NBEAL2: variants seen among roughly 807,000 people sequenced by gnomAD.
NBEAL2 encodes the protein neurobeachin-like protein 2.
NBEAL2 carries 160 observed loss-of-function variants against 299.8 expected under a neutral mutation model. The observed-to-expected ratio is 0.53, with a 90% CI of 0.47 to 0.61. NBEAL2 has a LOEUF of 0.61. NBEAL2 is among the 20% of genes least tolerant of loss of function. NBEAL2 has a pLI of 0.00. For missense variants in NBEAL2, 3,112 were observed against 3,649.0 expected (o/e 0.85, Z 3.79); for synonymous variants, 1,493 against 1,542.3 (o/e 0.97, Z 0.75).
At position 46,991,972 on chromosome 3, in the gene NBEAL2, A is replaced by C; in HGVS notation, c.1032+26A>C. On this transcript the variant is annotated intron_variant, in intron 9 of 53. Coordinates refer to ENST00000450053, the MANE Select transcript of NBEAL2 (RefSeq NM_015175.3). This position sits in a 1 kb window ranked among gnomAD's most constrained non-coding sequence, Gnocchi z 6.2. ...GTGGGTAGGGCCCAGCCTGGGGGTG[A>C]GGGTCTGGAAGCCAGAGGCTAGGGG... The C allele has an allele frequency of 1.3e-6, 2 of 1,560,876 alleles. No homozygotes were observed. The highest frequency in any genetic ancestry group is 1.7e-6 in the Non-Finnish European group (2 of 1,149,126).
In NBEAL2 at chr3:47,009,456, T is replaced by G; in HGVS notation, c.*136T>G. 2 of 830,284 alleles carry G rather than the reference T, an allele frequency of 2.4e-6. No homozygotes were observed. The highest frequency in any genetic ancestry group is 3.2e-5 in the South Asian group (2 of 62,636). The allele number at this position is 830,284 out of a possible 1,614,324, so 51.4% of individuals were successfully genotyped here. On this transcript the variant is annotated 3_prime_UTR_variant, in exon 54 of 54. Transcript: ENST00000450053. The stretch of plus-strand genomic sequence containing the variant: ...GGGCCCACCCTGCCCAGCTCAGGGA[T>G]TGGCGGGCGATGTTACCCCCTCAGG...
At chr3:46,985,246 G>C (rs1253331151) in intron 1 of NBEAL2, among the ~76,000 whole-genome samples, 2 of 152,218 alleles carry the variant, frequency 1.3e-5, no homozygotes, top group Non-Finnish European at 2.9e-5. Context: ...CAGGGCCTCA[G>C]ATGTGAGCTT....
Position 47,004,830 on chromosome 3 carries a change from T to C in NBEAL2, c.6295-142T>C, listed in dbSNP as rs575633846. The stretch of plus-strand genomic sequence containing the variant: ...ATCCTGTTCCAGGACACTCTGTCCT[T>C]CTCCCCTGTGACCCCTCTAAGTGGT... On this transcript the variant is annotated intron_variant, in intron 38 of 53. Coordinates refer to ENST00000450053, the MANE Select transcript of NBEAL2 (RefSeq NM_015175.3). The surrounding 1 kb of genome is among the most constrained non-coding windows in gnomAD (Gnocchi z 5.0). The C allele has an allele frequency of 2.6e-5, 34 of 1,284,790 alleles. No individual in the cohort carries two copies. The Admixed American group carries it at 5.1e-4, about 19-fold the overall frequency. 79.6% of individuals were successfully genotyped at this position (1,284,790 alleles called of 1,614,324 possible).
chr3:46,995,433 A>C lies in NBEAL2; in HGVS notation c.1698A>C (p.Ser566=). The change falls in exon 13 of 54, where the codon TCA becomes TCC. Residue 566 remains serine, a synonymous_variant. Transcript: ENST00000450053. The part of the protein sequence containing the change: ...RHAGAVIRTL[S]GMARHQGPAR... ...CAGGTGCTGTCATCCGCACATTATC[A>C]GGCATGGCCAGGCACCAGGGTCCTG... The C allele has an allele frequency of 6.2e-7, 1 of 1,612,810 alleles. No individual in the cohort carries two copies. The highest frequency in any genetic ancestry group is 8.5e-7 in the Non-Finnish European group (1 of 1,179,890).
chr3:47,004,753 C>A lies in NBEAL2; in HGVS notation c.6294+163C>A. The A allele has an allele frequency of 1.1e-6, 1 of 933,192 alleles. No homozygotes were observed. The highest frequency in any genetic ancestry group is 1.6e-6 in the Non-Finnish European group (1 of 606,894). The allele number at this position is 933,192 out of a possible 1,614,324, so 57.8% of individuals were successfully genotyped here. A position where few individuals can be genotyped will look rare whatever the true frequency, so the allele number is the denominator to read the frequency against. ...CTGTTCCCTGCCAACCCCCAGAGGTCCCCAGCCTCACTCCCTTCCCCTCCC... is the reference window on the plus strand; with the variant it reads ...CTGTTCCCTGCCAACCCCCAGAGGTACCCAGCCTCACTCCCTTCCCCTCCC... On this transcript the variant is annotated intron_variant, in intron 38 of 53. Transcript: ENST00000450053. The surrounding 1 kb of genome is among the most constrained non-coding windows in gnomAD (Gnocchi z 5.0).
rs369275746 is a variant in NBEAL2, at chr3:47,004,275, C to A, written c.6080C>A (p.Pro2027His). The A allele has an allele frequency of 6.2e-7, 1 of 1,613,620 alleles. No homozygotes were observed. The highest frequency in any genetic ancestry group is 8.5e-7 in the Non-Finnish European group (1 of 1,179,770). ...AGACCCCAGCCTGGCCCCATCCCAC[C>A]CCATACCCAGGTACGGAACCAGGTG... is the stretch of plus-strand genomic sequence containing the variant. ...TPRPQPGPIP[P>H]HTQVRNQVYS... The change falls in exon 37 of 54, where the codon CCC becomes CAC. Residue 2027 changes from proline (P) to histidine (H), a missense_variant. Around this residue, in one of 3 missense-constraint regions of NBEAL2, gnomAD observed 521 missense variants for 729.6 expected, o/e 0.71. Transcript: ENST00000450053. The surrounding 1 kb of genome is among the most constrained non-coding windows in gnomAD (Gnocchi z 5.0).
intron 21 of NBEAL2, 63 bp downstream of exon 21, chr3:46,998,289 C>T: frequency 6.4e-7 from 1 of 1,566,844 alleles, no homozygotes. Flanking sequence ...GAAGTTAGAA[C>T]TCTGCTCTGG....
Position 47,000,144 on chromosome 3 carries a change from C to T in NBEAL2, c.4045C>T (p.Leu1349Phe). The T allele has an allele frequency of 6.2e-7, 1 of 1,613,846 alleles. No individual in the cohort carries two copies. The highest frequency in any genetic ancestry group is 8.5e-7 in the Non-Finnish European group (1 of 1,179,880). Residue 1349 changes from leucine (L) to phenylalanine (F), a missense_variant, in exon 27 of 54, where the codon CTC becomes TTC. Around this residue, in one of 3 missense-constraint regions of NBEAL2, gnomAD observed 2,243 missense variants for 2,538.1 expected, o/e 0.88. Transcript: ENST00000450053. This position sits in a 1 kb window ranked among gnomAD's most constrained non-coding sequence, Gnocchi z 4.5. ...CPDPDGFYHA[L>F]SPFCTPFDLG... Reference sequence around the variant, plus strand: ...TGACCCTGATGGCTTTTACCATGCTCTCTCCCCATTCTGCACGCCCTTTGA... The same window carrying T: ...TGACCCTGATGGCTTTTACCATGCTTTCTCCCCATTCTGCACGCCCTTTGA...
intron 19 of NBEAL2, 48 bp downstream of exon 19, chr3:46,997,481 T>C (rs772608057): frequency 2.1e-5 from 34 of 1,594,546 alleles, no homozygotes; most frequent in Non-Finnish European, 2.8e-5. Context: ...CTTGGCATGG[T>C]AGGGGGGTGG....
chr3:46,996,850 G>A lies in NBEAL2; in HGVS notation c.2556+17G>A. On this transcript the variant is annotated intron_variant, in intron 17 of 53. Coordinates refer to ENST00000450053, the MANE Select transcript of NBEAL2 (RefSeq NM_015175.3). ...TCACCTCAGGTATTTGGGGGCCCCA[G>A]GGGAGTGGTTGGCTCGACTGTGCTA... The A allele has an allele frequency of 6.2e-7, 1 of 1,612,248 alleles. No homozygotes were observed. The highest frequency in any genetic ancestry group is 8.5e-7 in the Non-Finnish European group (1 of 1,179,520).
In NBEAL2 at chr3:46,997,337, G is replaced by A. The variant is rs1161647303; in HGVS notation, c.2728G>A (p.Glu910Lys). 6.2e-7 allele frequency: 1 copy of A among 1,613,000 alleles called. No individual in the cohort carries two copies. Among genetic ancestry groups the A allele is most frequent in the East Asian group, 2.2e-5 (1 of 44,880 alleles). Residue 910 changes from glutamate (E) to lysine (K), a missense_variant, in exon 19 of 54, where the codon GAA (glutamate) becomes AAA (lysine). Physicochemically the swap from Glu to Lys is moderately conservative, Grantham distance 56. Transcript: ENST00000450053. ...ERVAAQPKEA[E>K]AGPAETHDLV... ...AGTAGCTGCACAGCCCAAAGAGGCT[G>A]AAGCAGGTCCAGCTGAAACGCATGA...
chr3:47,004,743 C>A lies in NBEAL2; in HGVS notation c.6294+153C>A. The A allele has an allele frequency of 2.6e-6, 1 of 377,512 alleles. No individual in the cohort carries two copies. The highest frequency in any genetic ancestry group is 5.2e-5 in the East Asian group (1 of 19,400). 23.4% of individuals were successfully genotyped at this position (377,512 alleles called of 1,614,324 possible). On this transcript the variant is annotated intron_variant, in intron 38 of 53. Coordinates refer to ENST00000450053, the MANE Select transcript of NBEAL2 (RefSeq NM_015175.3). This position sits in a 1 kb window ranked among gnomAD's most constrained non-coding sequence, Gnocchi z 5.0. ...GACCTGGCCTCTGTTCCCTGCCAACCCCCAGAGGTCCCCAGCCTCACTCCC... is the reference window on the plus strand; with the variant it reads ...GACCTGGCCTCTGTTCCCTGCCAACACCCAGAGGTCCCCAGCCTCACTCCC...
In NBEAL2 at chr3:47,004,597, G is replaced by T. The variant is rs752688960; in HGVS notation, c.6294+7G>T. The T allele has an allele frequency of 3.7e-6, 6 of 1,611,936 alleles. No individual in the cohort carries two copies. In the African/African-American group the frequency reaches 6.7e-5, roughly 18 times the overall value. On this transcript the variant is annotated splice_region_variant and intron_variant, in intron 38 of 53. Transcript: ENST00000450053. The surrounding 1 kb of genome is among the most constrained non-coding windows in gnomAD (Gnocchi z 5.0). ...CCTGTCTCAGTACCCTGTGGTGAGG[G>T]TCCCACTCTGCACCCCTCCACCCCT...
chr3:46,994,353 G>A (rs2036317134), intron 11 of NBEAL2, 102 bp from the exon 12 acceptor site: 2 of 1,113,430 alleles, frequency 1.8e-6, no homozygotes, highest in Admixed American at 4.0e-5. Context: ...AGCTACGCAA[G>A]GGAACCCCAA....
chr3:47,003,858 G>A lies in NBEAL2; in HGVS notation c.5763G>A (p.Val1921=). ...TGGATGAGCAGCGTGAGAAGCTGGT[G>A]CTGTCGGCCGAGTGCCAGCTGGTGA... is the stretch of plus-strand genomic sequence containing the variant. ...AELDEQREKL[V]LSAECQLVTV... Residue 1921 remains valine (V), a synonymous_variant, in exon 36 of 54, where the codon GTG becomes GTA. Transcript: ENST00000450053. The surrounding 1 kb of genome is among the most constrained non-coding windows in gnomAD (Gnocchi z 7.0). 1 of 1,612,896 alleles carries A rather than the reference G, an allele frequency of 6.2e-7. No individual in the cohort carries two copies. Among genetic ancestry groups the A allele is most frequent in the Non-Finnish European group, 8.5e-7 (1 of 1,179,330 alleles).
At chr3:46,994,127 G>A in intron 11 of NBEAL2, 107 bp downstream of exon 11, 1 of 1,182,290 alleles carries the variant, frequency 8.5e-7, no homozygotes, top group Non-Finnish European at 1.2e-6. Flanking sequence ...GCTCCCTGGA[G>A]CAAAGCAGGC....
rs373066289 is a variant in NBEAL2, at chr3:47,009,260, G to A, written c.8205G>A (p.Ser2735=). 3 of 1,602,236 alleles carry A rather than the reference G, an allele frequency of 1.9e-6. No homozygotes were observed. The highest frequency in any genetic ancestry group is 2.6e-6 in the Non-Finnish European group (3 of 1,175,718). The part of the protein sequence containing the change: ...SQFARKLWRS[S]RRISQVSSGE... The stretch of plus-strand genomic sequence containing the variant: ...TCGCGCGGAAGCTGTGGCGGTCCTC[G>A]CGGCGCATCTCCCAGGTGTCCTCGG... Residue 2735 remains serine (S), a synonymous_variant, in exon 54 of 54, where the codon TCG becomes TCA. Coordinates refer to ENST00000450053, the MANE Select transcript of NBEAL2 (RefSeq NM_015175.3).
intron 1 of NBEAL2, among the ~76,000 whole-genome samples, chr3:46,984,575 T>C (rs1266200387): frequency 6.6e-6 from 1 of 152,216 alleles, no homozygotes; most frequent in Admixed American, 6.5e-5. Context: ...ACGTTTAGCT[T>C]GACATTGTCC....
Position 47,009,237 on chromosome 3 carries a change from G to C in NBEAL2, c.8182G>C (p.Ala2728Pro). ...CCACCAGGTGCGCAGCAGCCAGTTC[G>C]CGCGGAAGCTGTGGCGGTCCTCGCG... The part of the protein sequence containing the change: ...QPSEVRSSQF[A>P]RKLWRSSRRI... The change falls in exon 54 of 54, where the codon GCG becomes CCG. Residue 2728 changes from alanine to proline, a missense_variant. Physicochemically the swap from Ala to Pro is conservative, Grantham distance 27. Coordinates refer to ENST00000450053, the MANE Select transcript of NBEAL2 (RefSeq NM_015175.3). The C allele has an allele frequency of 1.9e-6, 3 of 1,599,838 alleles. No homozygotes were observed. The highest frequency in any genetic ancestry group is 1.7e-6 in the Non-Finnish European group (2 of 1,174,698).
Sources: allele counts gnomAD v4.1 joint callset (sites outside exome capture counted in the v4.1 genomes callset), GRCh38; gene constraint gnomAD v4.1.1; regional missense constraint gnomAD v4.1.1; non-coding constraint Gnocchi (gnomAD v3.1); transcripts MANE v1.5; gene names NCBI Gene and HGNC (gene_info 2026-07-23, HGNC 2026-07-21).